Variants in SLC35F4 observed in about 807,000 individuals in gnomAD.
SLC35F4 encodes the protein chromosome 14 open reading frame 36.
A neutral mutation model predicts 44.2 loss-of-function variants in SLC35F4; 24 were observed. That is an observed-to-expected ratio of 0.54 (90% CI 0.39 to 0.76). The LOEUF (loss-of-function observed/expected upper bound fraction) is 0.76. Among genes scored for constraint, SLC35F4 ranks in the 30% least tolerant of loss-of-function variants. The probability of loss-of-function intolerance (pLI) is 0.00; values close to 1 mark genes in which losing one functional copy is unlikely to be tolerated. For missense variants in SLC35F4, 562 were observed against 586.1 expected (o/e 0.96, Z 0.42); for synonymous variants, 238 against 223.6 (o/e 1.06, Z -0.57).
In SLC35F4 at chr14:57,587,319, C is replaced by T. The variant is rs541688181; in HGVS notation, c.587+1897G>A. Among the ~76,000 whole-genome samples the T allele has an allele frequency of 8.4e-4, 128 of 152,314 alleles. 1 individual carries two copies. The highest frequency in any genetic ancestry group is 1.7e-3 in the South Asian group (8 of 4,832). ...ATAAATCATTCTAAAAAGACACACG[C>T]ACACGTATGTTTATTGTGGCACTGT... On this transcript the variant is annotated intron_variant, in intron 3 of 7. Coordinates refer to ENST00000556826, the MANE Select transcript of SLC35F4 (RefSeq NM_001306087.2).
intron 1 of SLC35F4, among the ~76,000 whole-genome samples, chr14:57,787,710 G>A (rs370119155): frequency 3.9e-5 from 6 of 152,250 alleles, no homozygotes; most frequent in East Asian, 1.9e-4. Context: ...CAAATCCTGA[G>A]AGAATTCGCT....
chr14:57,758,000 CATGTGTGTGTGT>C (rs2077035087), intron 1 of SLC35F4, among the ~76,000 whole-genome samples: 3 of 95,948 alleles, frequency 3.1e-5, no homozygotes, highest in African/African-American at 7.5e-5. Context: ...ATTATAGGTT[CATGTGTGTGTGT>C]GTGTGTGTGT....
chr14:57,964,995 T>A (rs1028905007), intron 1 of SLC35F4, among the ~76,000 whole-genome samples: 5 of 142,704 alleles, frequency 3.5e-5, no homozygotes, highest in African/African-American at 7.8e-5. Context: ...AAAAAAAATA[T>A]ATATATATAT....
At chr14:57,903,192 G>A (rs1889042103) in intron 1 of SLC35F4, among the ~76,000 whole-genome samples, 1 of 152,172 alleles carries the variant, frequency 6.6e-6, no homozygotes, top group Admixed American at 6.5e-5. Context: ...AGGGAAGAGA[G>A]ATCAGGTTCA....
At chr14:57,796,076 A>T (rs542748899) in intron 1 of SLC35F4, among the ~76,000 whole-genome samples, 2 of 152,144 alleles carry the variant, frequency 1.3e-5, no homozygotes, top group African/African-American at 4.8e-5. Context: ...CATTAATTCA[A>T]TTAGGATAAT....
chr14:57,838,563 T>A (rs1385373574), intron 1 of SLC35F4, among the ~76,000 whole-genome samples: 1 of 152,166 alleles, frequency 6.6e-6, no homozygotes, highest in Non-Finnish European at 1.5e-5. Context: ...TGAGGTCCAA[T>A]GTTTGTTTAA....
At chr14:57,726,771 G>C (rs1323861616) in intron 1 of SLC35F4, among the ~76,000 whole-genome samples, 3 of 152,130 alleles carry the variant, frequency 2.0e-5, no homozygotes, top group Non-Finnish European at 4.4e-5. Context: ...TGGACTGAAG[G>C]ATGCAAATTA....
chr14:57,937,607 AAAGAAAAGAAAAG>A (rs1889832039), intron 1 of SLC35F4, among the ~76,000 whole-genome samples: 1 of 62,958 alleles, frequency 1.6e-5, no homozygotes, highest in East Asian at 1.4e-3. Context: ...AAAGAAAAGA[AAAGAAAAGAAAAG>A]AAAAGAAAAG....
chr14:57,982,704 AT>A (rs750980063), upstream of SLC35F4, among the ~76,000 whole-genome samples: 64 of 152,270 alleles, frequency 4.2e-4, no homozygotes, highest in African/African-American at 1.4e-3. Context: ...TCTAAAAAAA[AT>A]CTTTTTTCTT....
intron 1 of SLC35F4, among the ~76,000 whole-genome samples, chr14:57,885,381 A>G (rs1448841502): frequency 1.3e-5 from 2 of 152,212 alleles, no homozygotes; most frequent in African/African-American, 2.4e-5. Flanking sequence ...TCTGGCACAG[A>G]ATAAGTGCAG....
chr14:57,809,918 T>C (rs1346348621), intron 1 of SLC35F4, among the ~76,000 whole-genome samples: 1 of 152,258 alleles, frequency 6.6e-6, no homozygotes, highest in Non-Finnish European at 1.5e-5. Context: ...TAAGCAGGAC[T>C]CATGGGATTT....
intron 1 of SLC35F4, among the ~76,000 whole-genome samples, chr14:57,681,637 GC>G (rs1332720931): frequency 6.6e-6 from 1 of 152,030 alleles, no homozygotes; most frequent in African/African-American, 2.4e-5. Flanking sequence ...GGCAACAAAA[GC>G]CAAAATTGAC....
At chr14:57,922,304 A>T (rs1889458562) in intron 1 of SLC35F4, among the ~76,000 whole-genome samples, 1 of 152,170 alleles carries the variant, frequency 6.6e-6, no homozygotes, top group Non-Finnish European at 1.5e-5. Flanking sequence ...TCCATCTGAG[A>T]TAGGGCCCAG....
At chr14:57,861,346 A>G (rs1887662207) in intron 1 of SLC35F4, among the ~76,000 whole-genome samples, 1 of 152,154 alleles carries the variant, frequency 6.6e-6, no homozygotes. Context: ...ATCTAAGGCA[A>G]TGTCCCTTCT....
chr14:57,894,462 T>C (rs1266082380), intron 1 of SLC35F4, among the ~76,000 whole-genome samples: 1 of 152,118 alleles, frequency 6.6e-6, no homozygotes, highest in Non-Finnish European at 1.5e-5. Flanking sequence ...AGAGAGGCAC[T>C]CAGCCTCTAT....
intron 1 of SLC35F4, among the ~76,000 whole-genome samples, chr14:57,934,451 A>T (rs1399773844): frequency 1.3e-5 from 2 of 151,646 alleles, no homozygotes; most frequent in African/African-American, 2.4e-5. Context: ...TTTCTCACAC[A>T]TCAAAAGTCA....
intron 1 of SLC35F4, among the ~76,000 whole-genome samples, chr14:57,700,815 G>C (rs2075517804): frequency 6.6e-6 from 1 of 152,012 alleles, no homozygotes; most frequent in Admixed American, 6.6e-5. Context: ...TGAGATGAGA[G>C]GATTACCTGA....
chr14:57,755,875 G>C (rs748032552), intron 1 of SLC35F4, among the ~76,000 whole-genome samples: 1 of 152,192 alleles, frequency 6.6e-6, no homozygotes, highest in African/African-American at 2.4e-5. Context: ...GCCATTAAGA[G>C]GCACTGCCAG....
chr14:57,583,657 C>T (rs1056728577), intron 3 of SLC35F4, among the ~76,000 whole-genome samples: 6 of 152,182 alleles, frequency 3.9e-5, no homozygotes, highest in African/African-American at 1.4e-4. Flanking sequence ...ACCTGTCTTC[C>T]AGGTGTTCAT....
Sources: allele counts gnomAD v4.1 joint callset (sites outside exome capture counted in the v4.1 genomes callset), GRCh38; gene constraint gnomAD v4.1.1; transcripts MANE v1.5; gene names NCBI Gene and HGNC (gene_info 2026-07-23, HGNC 2026-07-21).